Variants in SGCD observed in about 807,000 individuals in gnomAD.
The protein encoded by SGCD is delta-sarcoglycan.
A neutral mutation model predicts 36.6 loss-of-function variants in SGCD; 18 were observed. The observed-to-expected ratio is 0.49, with a 90% CI of 0.34 to 0.73. The LOEUF (loss-of-function observed/expected upper bound fraction) is 0.73, where lower values mean the gene tolerates loss of function less well. Ranked by LOEUF, SGCD falls within the 30% of genes least tolerant of loss-of-function variation. The pLI is 0.01. For synonymous variants in SGCD, 133 were observed against 130.6 expected, an observed-to-expected ratio of 1.02 and a Z score of -0.12; for missense variants, 387 against 346.7, an observed-to-expected ratio of 1.12 and a Z score of -0.92.
intron 3 of SGCD, among the ~76,000 whole-genome samples, chr5:156,145,800 GACAATTGTAAACCACAGAATGAACA>G (rs1762696297): frequency 6.6e-6 from 1 of 152,112 alleles, no homozygotes; most frequent in African/African-American, 2.4e-5. Flanking sequence ...GAGAATGAAA[GACAATTGTAAACCACAGAATGAACA>G]ACACAAACTA....
chr5:155,898,243 C>G (rs1468323351), intron 1 of SGCD, among the ~76,000 whole-genome samples: 1 of 152,158 alleles, frequency 6.6e-6, no homozygotes, highest in Admixed American at 6.5e-5. Flanking sequence ...CAGGCTACAA[C>G]ATGGAACATA....
At chr5:156,290,556 G>A (rs1766732064) in intron 3 of SGCD, among the ~76,000 whole-genome samples, 1 of 152,092 alleles carries the variant, frequency 6.6e-6, no homozygotes, top group African/African-American at 2.4e-5. Flanking sequence ...ATGCAGTCCT[G>A]GTAAGGAATG....
chr5:155,749,302 C>T, the SGCD span, among the ~76,000 whole-genome samples: 1 of 152,146 alleles, frequency 6.6e-6, no homozygotes, highest in Non-Finnish European at 1.5e-5. Context: ...ACATGCTACT[C>T]CCTCTACTTC....
chr5:156,615,018 C>G lies in SGCD; in HGVS notation c.502+19967C>G, dbSNP rs140944095. ...TGGCACAAAAGAATTAGGCTTATAA[C>G]TTGGCCCATTCATTTAATTACCAAA... On this transcript the variant is annotated intron_variant, in intron 6 of 8. Coordinates refer to ENST00000337851, the MANE Select transcript of SGCD (RefSeq NM_000337.6). 3.1e-3 allele frequency among the ~76,000 whole-genome samples: 475 copies of G among 152,350 alleles called. 4 individuals are homozygous for G. The highest frequency in any genetic ancestry group is 9.8e-3 in the African/African-American group (409 of 41,580).
intron 2 of SGCD, 139 bp from the exon 3 acceptor site, chr5:156,344,350 T>G: frequency 1.7e-6 from 1 of 586,968 alleles, no homozygotes; most frequent in South Asian, 2.6e-5. Flanking sequence ...GGAAACAGAT[T>G]TTTAGAGTTG....
intron 7 of SGCD, among the ~76,000 whole-genome samples, chr5:156,754,790 C>T (rs1295437474): frequency 6.6e-6 from 1 of 152,110 alleles, no homozygotes; most frequent in Non-Finnish European, 1.5e-5. Context: ...GCAGTGTCAC[C>T]ACCTAGTAAC....
intron 3 of SGCD, among the ~76,000 whole-genome samples, chr5:156,348,772 CAA>C (rs1580855253): frequency 6.6e-6 from 1 of 151,766 alleles, no homozygotes; most frequent in Admixed American, 6.6e-5. Context: ...CATATGGAAC[CAA>C]AAAGAGTCCA....
At chr5:156,747,667 ACGG>A (rs1168165089) in intron 7 of SGCD, among the ~76,000 whole-genome samples, 1 of 152,132 alleles carries the variant, frequency 6.6e-6, no homozygotes, top group African/African-American at 2.4e-5. Flanking sequence ...GATGGAAGCC[ACGG>A]TCTTTTTACA....
At chr5:155,752,752 C>A in the SGCD span, among the ~76,000 whole-genome samples, 373 of 152,282 alleles carry the variant, frequency 2.4e-3, 3 homozygotes, top group African/African-American at 7.4e-3. Context: ...TAGTAGATGA[C>A]CCTCCATCAA....
rs570957514 is a variant in SGCD, at chr5:156,265,923, C to T, written c.-43-63611C>T. Among the ~76,000 whole-genome samples, 16 of 152,060 alleles carry T rather than the reference C, an allele frequency of 1.1e-4. 1 individual carries two copies. In the South Asian group the frequency reaches 3.1e-3, roughly 30 times the overall value. ...TAAGAGTAAACTCTCAGAGAGATCT[C>T]TAATAAATAATGACTATTACTGACA... On this transcript the variant is annotated intron_variant, in intron 3 of 9. Coordinates refer to the SGCD transcript ENST00000517913.
chr5:156,625,365 G>A (rs140508083), intron 6 of SGCD, among the ~76,000 whole-genome samples: 76 of 152,172 alleles, frequency 5.0e-4, no homozygotes, highest in Admixed American at 2.9e-3. Flanking sequence ...AAAAAAAGTC[G>A]TGATAAAATA....
chr5:156,441,155 A>G (rs1325468034), intron 3 of SGCD, among the ~76,000 whole-genome samples: 1 of 152,094 alleles, frequency 6.6e-6, no homozygotes, highest in Non-Finnish European at 1.5e-5. Context: ...TTGGAGCAGC[A>G]TCTTTCTAGT....
chr5:155,830,121 GA>G, the SGCD span, among the ~76,000 whole-genome samples: 2 of 152,140 alleles, frequency 1.3e-5, no homozygotes, highest in Admixed American at 1.3e-4. Flanking sequence ...GTTTTCCAGG[GA>G]ATTACAGTGT....
In SGCD at chr5:156,070,077, C is replaced by G. The variant is rs944335699; in HGVS notation, c.-281-47801C>G. On this transcript the variant is annotated intron_variant, in intron 1 of 9. Coordinates refer to the SGCD transcript ENST00000517913. ...GATATACAATCATGTCATCTGCAAA[C>G]AGGGACAATTTGACTTCCTCTTTTC... 1.1e-4 allele frequency among the ~76,000 whole-genome samples: 16 copies of G among 151,108 alleles called. No individual in the cohort carries two copies. In the East Asian group the frequency reaches 1.4e-3, roughly 13 times the overall value.
intron 3 of SGCD, among the ~76,000 whole-genome samples, chr5:156,246,445 T>A (rs1010963776): frequency 2.0e-5 from 3 of 152,160 alleles, no homozygotes; most frequent in African/African-American, 7.2e-5. Flanking sequence ...GTTATAGATT[T>A]TTTTTTTATT....
the SGCD span, among the ~76,000 whole-genome samples, chr5:155,761,733 C>A: frequency 7.1e-6 from 1 of 141,576 alleles, no homozygotes; most frequent in Non-Finnish European, 1.5e-5. Flanking sequence ...TTCACCATTG[C>A]CCTTTCCATC....
At chr5:155,857,936 C>A in the SGCD span, among the ~76,000 whole-genome samples, 2 of 152,078 alleles carry the variant, frequency 1.3e-5, no homozygotes, top group Non-Finnish European at 2.9e-5. Context: ...TATTTGTTTG[C>A]CATTTGTGCT....
chr5:156,508,274 T>C (rs530032213), intron 3 of SGCD, among the ~76,000 whole-genome samples: 1 of 152,282 alleles, frequency 6.6e-6, no homozygotes, highest in Non-Finnish European at 1.5e-5. Flanking sequence ...AATTATCCTT[T>C]TCTCTCCTCC....
At chr5:156,667,959 G>T (rs1753123262) in intron 7 of SGCD, among the ~76,000 whole-genome samples, 2 of 152,126 alleles carry the variant, frequency 1.3e-5, no homozygotes, top group South Asian at 4.1e-4. Context: ...TTAACAACAT[G>T]CACATAGGAA....
Sources: gnomAD v4.1 joint callset for allele counts (sites outside exome capture counted in the v4.1 genomes callset) on GRCh38, gnomAD v4.1.1 for gene constraint, MANE v1.5 for transcripts, NCBI Gene and HGNC (gene_info 2026-07-23, HGNC 2026-07-21) for gene names.